AFTPH: variants seen among roughly 807,000 people sequenced by gnomAD.
The protein encoded by AFTPH is aftiphilin, also known as aftiphilin protein.
A neutral mutation model predicts 72.5 loss-of-function variants in AFTPH; 7 were observed. The ratio of observed to expected loss-of-function variants is 0.10; its 90% CI spans 0.05 to 0.18. AFTPH has a LOEUF of 0.18. Ranked by LOEUF, AFTPH falls within the 10% of genes least tolerant of loss-of-function variation. The pLI is 1.00. For synonymous variants in AFTPH, 337 were observed against 370.1 expected (o/e 0.91, Z 1.03); for missense variants, 979 against 1,060.5 (o/e 0.92, Z 1.07).
chr2:64,540,522 G>T (rs57816766), intron 1 of AFTPH, among the ~76,000 whole-genome samples: 1 of 151,958 alleles, frequency 6.6e-6, no homozygotes. Context: ...TAAAATGTTC[G>T]GTAGAAGAAA....
At chr2:64,560,192 G>T (rs1451830997) in intron 2 of AFTPH, among the ~76,000 whole-genome samples, 2 of 152,108 alleles carry the variant, frequency 1.3e-5, no homozygotes, top group Admixed American at 6.6e-5. Flanking sequence ...TGGCTTACTT[G>T]CACCAGTGGA....
intron 6 of AFTPH, among the ~76,000 whole-genome samples, chr2:64,576,161 A>G (rs1029869447): frequency 2.4e-4 from 36 of 148,182 alleles, no homozygotes; most frequent in East Asian, 7.8e-4. Context: ...GTGTGTATGT[A>G]TATATATATG....
chr2:64,549,308 C>CTT lies in AFTPH; in HGVS notation c.-32-2106_-32-2105dup, dbSNP rs34951706. On this transcript the variant is annotated intron_variant, in intron 1 of 8. Transcript: ENST00000238856. Reference sequence around the variant, plus strand: ...CTAGGACTTTGGCTGTTAGTCCTCCCTTTTTTTTTTTTTTTTTTTTTTTTT... The same window carrying CTT: ...CTAGGACTTTGGCTGTTAGTCCTCCCTTTTTTTTTTTTTTTTTTTTTTTTTTT... Among the ~76,000 whole-genome samples, 374 of 56,090 alleles carry CTT rather than the reference C, an allele frequency of 6.7e-3. 37 individuals carry two copies. The highest frequency in any genetic ancestry group is 0.019 in the Middle Eastern group (1 of 54). 36.8% of individuals were successfully genotyped at this position (56,090 alleles called of 152,430 possible). A position where few individuals can be genotyped will look rare whatever the true frequency, so the allele number is the denominator to read the frequency against.
intron 1 of AFTPH, among the ~76,000 whole-genome samples, chr2:64,551,013 C>G (rs1671013290): frequency 6.6e-6 from 1 of 152,016 alleles, no homozygotes; most frequent in African/African-American, 2.4e-5. Flanking sequence ...AATTTTGATG[C>G]CTTTATTAAT....
At position 64,551,973 on chromosome 2, in the gene AFTPH, CAGTT is replaced by C. The variant is rs1304841326; in HGVS notation, c.502_505del (p.Leu168ArgfsTer14). On this transcript the variant is annotated frameshift_variant, in exon 2 of 9. Coordinates refer to ENST00000238856, the Ensembl canonical transcript of AFTPH. LOFTEE classifies it high-confidence loss of function. The stretch of plus-strand genomic sequence containing the variant: ...TATGAATGTTGTTCATCAAAACAAG[CAGTT>C]AGAGAGCTGCAATGGTGAAAAGCCT... 6.2e-7 allele frequency: 1 copy of C among 1,613,712 alleles called. No individual in the cohort carries two copies. Among genetic ancestry groups the C allele is most frequent in the Admixed American group, 1.7e-5 (1 of 60,014 alleles).
chr2:64,566,875 C>G (rs1298506720), intron 2 of AFTPH, among the ~76,000 whole-genome samples: 1 of 151,158 alleles, frequency 6.6e-6, no homozygotes, highest in East Asian at 1.9e-4. Context: ...GTATTCTATT[C>G]AAAAATATAC....
In AFTPH at chr2:64,567,731, T is replaced by G. The variant is rs768305665; in HGVS notation, c.2087+18T>G. On this transcript the variant is annotated intron_variant, in intron 3 of 8. Coordinates refer to ENST00000238856, the Ensembl canonical transcript of AFTPH. The stretch of plus-strand genomic sequence containing the variant: ...GAAAGTGGGTAAGTAGGAGACTGTT[T>G]TTAGATAGCATGTGTTTTTGTTATT... 5.8e-5 allele frequency: 93 copies of G among 1,592,408 alleles called. No homozygotes were observed. The highest frequency in any genetic ancestry group is 7.7e-5 in the Non-Finnish European group (90 of 1,171,898).
At chr2:64,565,762 T>TGA (rs1672046928) in intron 2 of AFTPH, among the ~76,000 whole-genome samples, 1 of 152,234 alleles carries the variant, frequency 6.6e-6, no homozygotes, top group South Asian at 2.1e-4. Flanking sequence ...TGCTCTATCT[T>TGA]ATTCAACGTA....
chr2:64,562,930 A>T (rs532038784), intron 2 of AFTPH, among the ~76,000 whole-genome samples: 1 of 152,216 alleles, frequency 6.6e-6, no homozygotes, highest in Admixed American at 6.5e-5. Context: ...TAAATAATAA[A>T]GTATCTATTT....
chr2:64,586,596 GA>G (rs1481478755), intron 8 of AFTPH, among the ~76,000 whole-genome samples: 1 of 151,980 alleles, frequency 6.6e-6, no homozygotes, highest in African/African-American at 2.4e-5. Context: ...TTATAATTAT[GA>G]AATACATTAT....
At chr2:64,541,738 T>C (rs1169522773) in intron 1 of AFTPH, among the ~76,000 whole-genome samples, 1 of 152,192 alleles carries the variant, frequency 6.6e-6, no homozygotes, top group Non-Finnish European at 1.5e-5. Flanking sequence ...TAAATTGATG[T>C]TGTTAATGCT....
At chr2:64,535,942 T>C (rs1248624197) in intron 1 of AFTPH, among the ~76,000 whole-genome samples, 3 of 152,214 alleles carry the variant, frequency 2.0e-5, no homozygotes, top group Non-Finnish European at 4.4e-5. Flanking sequence ...GGTTGTGGGA[T>C]GTTAAAACAA....
intron 6 of AFTPH, among the ~76,000 whole-genome samples, chr2:64,574,181 T>G (rs530421011): frequency 1.3e-5 from 2 of 152,392 alleles, no homozygotes; most frequent in Non-Finnish European, 2.9e-5. Context: ...TTACCATTTC[T>G]AAAACATATT....
intron 5 of AFTPH, among the ~76,000 whole-genome samples, chr2:64,570,931 C>CT (rs1672386804): frequency 2.2e-5 from 2 of 89,258 alleles, no homozygotes; most frequent in Non-Finnish European, 4.4e-5. Flanking sequence ...CCCCCCCCAC[C>CT]TTTTTTCCAG....
chr2:64,558,188 C>T (rs1178793645), intron 2 of AFTPH, among the ~76,000 whole-genome samples: 1 of 152,066 alleles, frequency 6.6e-6, no homozygotes, highest in Non-Finnish European at 1.5e-5. Flanking sequence ...TTAATCAACT[C>T]CTGTCCCTAA....
At chr2:64,590,671 G>C (rs991312583) in intron 8 of AFTPH, among the ~76,000 whole-genome samples, 1 of 152,188 alleles carries the variant, frequency 6.6e-6, no homozygotes, top group Admixed American at 6.5e-5. Context: ...TAAGAACCTA[G>C]TACTGAATGC....
At chr2:64,560,487 C>A (rs967095003) in intron 2 of AFTPH, among the ~76,000 whole-genome samples, 1 of 152,106 alleles carries the variant, frequency 6.6e-6, no homozygotes, top group Non-Finnish European at 1.5e-5. Flanking sequence ...GCTAAAAAAG[C>A]AAATGTACCT....
rs933488726 is a variant in AFTPH, at chr2:64,550,697, A to G, written c.-32-746A>G. ...CGCATGCACACACACACACACACAC[A>G]CACACACACACACACACACACACAC... On this transcript the variant is annotated intron_variant, in intron 1 of 8. Transcript: ENST00000238856. 4.9e-4 allele frequency among the ~76,000 whole-genome samples: 72 copies of G among 146,978 alleles called. No homozygotes were observed. In the East Asian group the frequency reaches 7.3e-3, roughly 15 times the overall value.
At chr2:64,548,762 C>A (rs539305714) in intron 1 of AFTPH, among the ~76,000 whole-genome samples, 2 of 151,342 alleles carry the variant, frequency 1.3e-5, no homozygotes, top group African/African-American at 2.4e-5. Context: ...GGACACTAGG[C>A]AAGGGAACAA....
Sources: gnomAD v4.1 joint callset for allele counts (sites outside exome capture counted in the v4.1 genomes callset) on GRCh38, gnomAD v4.1.1 for gene constraint, MANE v1.5 for transcripts, NCBI Gene and HGNC (gene_info 2026-07-23, HGNC 2026-07-21) for gene names.